The following TTC6 variants were observed in gnomAD, a reference collection of about 807,000 sequenced individuals.
TTC6 encodes tetratricopeptide repeat protein 6.
In TTC6, 172 loss-of-function variants were observed where a neutral mutation model predicts 210.4. The ratio of observed to expected loss-of-function variants is 0.82; its 90% CI spans 0.72 to 0.93. The LOEUF (loss-of-function observed/expected upper bound fraction) is 0.93, where lower values mean the gene tolerates loss of function less well. Ranked by LOEUF, TTC6 falls within the 40% of genes least tolerant of loss-of-function variation. The probability of loss-of-function intolerance (pLI) is 0.00; values close to 1 mark genes in which losing one functional copy is unlikely to be tolerated. For missense variants in TTC6, 2,414 were observed against 2,318.1 expected (o/e 1.04, Z -0.85); for synonymous variants, 804 against 819.6 (o/e 0.98, Z 0.32).
intron 14 of TTC6, among the ~76,000 whole-genome samples, chr14:37,753,780 T>C (rs1012017704): frequency 3.3e-5 from 5 of 151,854 alleles, no homozygotes; most frequent in Non-Finnish European, 7.4e-5. Context: ...GGATCTCGCT[T>C]TGTTGCCTAG....
At chr14:37,680,909 A>T (rs2095782098) in intron 2 of TTC6, among the ~76,000 whole-genome samples, 3 of 152,140 alleles carry the variant, frequency 2.0e-5, no homozygotes. Flanking sequence ...CATACATAAA[A>T]TCGTGATCAT....
At chr14:37,811,872 C>G (rs1264197370) in intron 24 of TTC6, among the ~76,000 whole-genome samples, 2 of 152,082 alleles carry the variant, frequency 1.3e-5, no homozygotes, top group African/African-American at 4.8e-5. Context: ...AGGCTTGATT[C>G]TTGTTACTGG....
At chr14:37,713,182 C>A (rs953898889) in intron 5 of TTC6, among the ~76,000 whole-genome samples, 18 of 152,210 alleles carry the variant, frequency 1.2e-4, no homozygotes, top group African/African-American at 4.3e-4. Flanking sequence ...ACACAACTCA[C>A]AAAGTCATAA....
rs564939106 is a variant in TTC6, at chr14:37,674,954, T to C, written c.940-5197T>C. Among the ~76,000 whole-genome samples, 115 of 152,228 alleles carry C rather than the reference T, an allele frequency of 7.6e-4. 1 individual carries two copies. Among genetic ancestry groups the C allele is most frequent in the African/African-American group, 2.7e-3 (112 of 41,556 alleles). ...TCACTGGGCAATGTAGTAACTATCA[T>C]GTATAAATTTTACTACTATGTTAGT... On this transcript the variant is annotated intron_variant, in intron 1 of 30. Coordinates refer to ENST00000553443, the Ensembl canonical transcript of TTC6.
intron 2 of TTC6, among the ~76,000 whole-genome samples, chr14:37,612,571 G>T (rs566314351): frequency 3.4e-4 from 52 of 152,268 alleles, no homozygotes; most frequent in African/African-American, 1.2e-3. Context: ...TGACTGTATA[G>T]ATCTATTTGG....
chr14:37,735,602 T>C (rs2095899536), intron 7 of TTC6, among the ~76,000 whole-genome samples: 1 of 152,200 alleles, frequency 6.6e-6, no homozygotes, highest in Admixed American at 6.5e-5. Flanking sequence ...GATATTAATA[T>C]GCTACATAAA....
At chr14:37,805,025 A>G (rs1255743839) in intron 21 of TTC6, among the ~76,000 whole-genome samples, 1 of 152,190 alleles carries the variant, frequency 6.6e-6, no homozygotes, top group Non-Finnish European at 1.5e-5. Context: ...GTTTGTCAAC[A>G]ATATTCTAAA....
chr14:37,841,794 A>T, intron 30 of TTC6, 124 bp downstream of exon 32: 1 of 817,288 alleles, frequency 1.2e-6, no homozygotes, highest in South Asian at 1.7e-5. Flanking sequence ...TAGTGTTTTT[A>T]GATATCATGT....
At chr14:37,649,714 T>TTGG (rs2095707803) in intron 1 of TTC6, among the ~76,000 whole-genome samples, 1 of 152,140 alleles carries the variant, frequency 6.6e-6, no homozygotes, top group African/African-American at 2.4e-5. Flanking sequence ...GAGGGAAACA[T>TTGG]TGGTGGATAC....
chr14:37,766,671 T>C (rs2096000430), intron 14 of TTC6, among the ~76,000 whole-genome samples: 1 of 152,222 alleles, frequency 6.6e-6, no homozygotes, highest in South Asian at 2.1e-4. Flanking sequence ...TCAGTGAACA[T>C]ACACATGCAT....
At chr14:37,780,389 G>T (rs967319906) in intron 14 of TTC6, among the ~76,000 whole-genome samples, 1 of 152,018 alleles carries the variant, frequency 6.6e-6, no homozygotes, top group Non-Finnish European at 1.5e-5. Flanking sequence ...TCTTCCTGAT[G>T]CTATCCCTCC....
rs1457448611 is a variant in TTC6 at position 37,792,249 on chromosome 14, C to G, written c.3558-15C>G. 6.7e-7 allele frequency: 1 copy of G among 1,490,558 alleles called. No individual in the cohort carries two copies. The highest frequency in any genetic ancestry group is 8.9e-7 in the Non-Finnish European group (1 of 1,125,028). 92.3% of individuals were successfully genotyped at this position (1,490,558 alleles called of 1,614,324 possible). A position where few individuals can be genotyped will look rare whatever the true frequency, so the allele number is the denominator to read the frequency against. On this transcript the variant is annotated splice_polypyrimidine_tract_variant and intron_variant, in intron 16 of 30. Coordinates refer to ENST00000553443, the Ensembl canonical transcript of TTC6. Reference sequence around the variant, plus strand: ...AAAATGTTTAACAAGATTTCACTTTCTCATTTTTTTTTAGAACTATTACTT... The same window carrying G: ...AAAATGTTTAACAAGATTTCACTTTGTCATTTTTTTTTAGAACTATTACTT...
intron 1 of TTC6, among the ~76,000 whole-genome samples, chr14:37,656,882 C>T (rs2095724594): frequency 6.6e-6 from 1 of 151,916 alleles, no homozygotes. Context: ...TTCTAGTAGC[C>T]TAAATGTATA....
intron 1 of TTC6, among the ~76,000 whole-genome samples, chr14:37,639,958 TTTATA>T (rs2095688646): frequency 6.7e-6 from 1 of 149,782 alleles, no homozygotes; most frequent in Non-Finnish European, 1.5e-5. Context: ...TTCATTTTCT[TTTATA>T]TAATATATAC....
chr14:37,664,538 C>A (rs568462747), intron 1 of TTC6, among the ~76,000 whole-genome samples: 1 of 150,722 alleles, frequency 6.6e-6, no homozygotes, highest in Non-Finnish European at 1.5e-5. Flanking sequence ...AAACCCCAAA[C>A]TACAAAGACC....
At chr14:37,656,692 A>G (rs1362811518) in intron 1 of TTC6, among the ~76,000 whole-genome samples, 1 of 152,094 alleles carries the variant, frequency 6.6e-6, no homozygotes, top group East Asian at 1.9e-4. Context: ...TCAGGCAGCA[A>G]ATTTAAGGGT....
At chr14:37,659,224 A>G (rs1292493992) in intron 1 of TTC6, among the ~76,000 whole-genome samples, 1 of 152,098 alleles carries the variant, frequency 6.6e-6, no homozygotes. Flanking sequence ...GCTATTGTTA[A>G]TAGTGCTGTA....
chr14:37,809,186 A>G (rs2096124540), intron 24 of TTC6, among the ~76,000 whole-genome samples: 2 of 152,088 alleles, frequency 1.3e-5, no homozygotes, highest in Admixed American at 1.3e-4. Flanking sequence ...ATTTAAAGGC[A>G]TTTATAAATT....
At chr14:37,811,236 A>G (rs74048803) in intron 24 of TTC6, among the ~76,000 whole-genome samples, 1,640 of 152,294 alleles carry the variant, frequency 0.011, 38 homozygotes, top group African/African-American at 0.037. Context: ...ACATAATGTG[A>G]CTTAGTAAAA....
Sources: allele counts gnomAD v4.1 joint callset (sites outside exome capture counted in the v4.1 genomes callset), GRCh38; gene constraint gnomAD v4.1.1; transcripts MANE v1.5; gene names NCBI Gene and HGNC (gene_info 2026-07-23, HGNC 2026-07-21).